RSPRY1: variants seen among roughly 807,000 people sequenced by gnomAD.
RSPRY1 encodes the protein RING finger and SPRY domain-containing protein 1.
RSPRY1 carries 23 observed loss-of-function variants against 73.1 expected under a neutral mutation model. The observed-to-expected ratio is 0.31, with a 90% confidence interval of 0.23 to 0.45. RSPRY1 has a LOEUF of 0.45. RSPRY1 is among the 20% of genes least tolerant of loss of function. The pLI is 1.00. For synonymous variants in RSPRY1, 226 were observed against 251.4 expected (o/e 0.90, Z 0.95); for missense variants, 448 against 698.7 (o/e 0.64, Z 4.05).
chr16:57,216,219 T>A, intron 7 of RSPRY1, 46 bp downstream of exon 7: 1 of 1,391,734 alleles, frequency 7.2e-7, no homozygotes, highest in Non-Finnish European at 1.0e-6. Context: ...GTATTGGTTG[T>A]TAAAAATTTT....
In RSPRY1 at chr16:57,230,733, A is replaced by G; in HGVS notation, c.1296A>G (p.Leu432=). The G allele has an allele frequency of 1.2e-6, 2 of 1,605,122 alleles. No homozygotes were observed. Among genetic ancestry groups the G allele is most frequent in the Non-Finnish European group, 1.7e-6 (2 of 1,172,824 alleles). Residue 432 remains leucine, a synonymous_variant, in exon 12 of 15, where the codon TTA becomes TTG. Transcript: ENST00000394420. The stretch of plus-strand genomic sequence containing the variant: ...TAGGAGATACAGTAGGATTTCTGTT[A>G]GACTTGAATGAAAAGCAAATGATCT... ...WKEGDTVGFL[L]DLNEKQMIFF...
intron 1 of RSPRY1, among the ~76,000 whole-genome samples, chr16:57,192,110 G>A (rs1476193145): frequency 1.3e-5 from 2 of 152,160 alleles, no homozygotes; most frequent in African/African-American, 4.8e-5. Context: ...GATATTTATT[G>A]AATACATATT....
chr16:57,218,413 A>G (rs920009330), intron 8 of RSPRY1, among the ~76,000 whole-genome samples: 10 of 152,092 alleles, frequency 6.6e-5, no homozygotes, highest in African/African-American at 2.4e-4. Flanking sequence ...TCACCCTGTT[A>G]TGCTGTCAAA....
chr16:57,204,056 G>A (rs564460040), intron 1 of RSPRY1, among the ~76,000 whole-genome samples: 1 of 152,032 alleles, frequency 6.6e-6, no homozygotes, highest in South Asian at 2.1e-4. Context: ...TTTAAAACTT[G>A]TTAAATTATC....
chr16:57,231,896 G>A (rs539099315), intron 13 of RSPRY1, among the ~76,000 whole-genome samples: 5 of 152,300 alleles, frequency 3.3e-5, no homozygotes, highest in African/African-American at 1.2e-4. Context: ...GACAAAAACT[G>A]TGATTGGCAT....
chr16:57,202,623 C>G (rs1161694370), intron 1 of RSPRY1, among the ~76,000 whole-genome samples: 3 of 152,090 alleles, frequency 2.0e-5, no homozygotes, highest in African/African-American at 4.8e-5. Context: ...TTGCATCATA[C>G]TCCTACCTAT....
intron 11 of RSPRY1, among the ~76,000 whole-genome samples, chr16:57,227,976 C>T (rs551209139): frequency 7.8e-4 from 119 of 152,208 alleles, no homozygotes; most frequent in African/African-American, 2.6e-3. Context: ...ATTTTGCTAC[C>T]CCAATCAGCA....
At position 57,221,523 on chromosome 16, in the gene RSPRY1, T is replaced by A. The variant is rs77316426; in HGVS notation, c.1161+108T>A. On this transcript the variant is annotated intron_variant, in intron 10 of 14. Coordinates refer to ENST00000394420, the MANE Select transcript of RSPRY1 (RefSeq NM_133368.3). ...TTTCAAATAGATTTGCTCAATAATCTTTTCTTGGGCAGAGCCACATGGTAC... is the reference window on the plus strand; with the variant it reads ...TTTCAAATAGATTTGCTCAATAATCATTTCTTGGGCAGAGCCACATGGTAC... 1.9e-3 allele frequency: 2,297 copies of A among 1,221,586 alleles called. 19 individuals carry two copies. In the African/African-American group the frequency reaches 0.031, roughly 16 times the overall value. 75.7% of individuals were successfully genotyped at this position (1,221,586 alleles called of 1,614,324 possible).
chr16:57,214,438 C>A (rs2074902199), intron 6 of RSPRY1, among the ~76,000 whole-genome samples: 1 of 152,190 alleles, frequency 6.6e-6, no homozygotes, highest in Admixed American at 6.5e-5. Flanking sequence ...GCCCTCAGAT[C>A]TCTCATAGTT....
intron 1 of RSPRY1, among the ~76,000 whole-genome samples, chr16:57,189,313 A>G (rs2074309048): frequency 6.6e-6 from 1 of 151,748 alleles, no homozygotes; most frequent in South Asian, 2.1e-4. Context: ...ATTATTTTCA[A>G]GTTATTGATT....
intron 14 of RSPRY1, among the ~76,000 whole-genome samples, chr16:57,237,376 A>T (rs927821683): frequency 2.0e-5 from 3 of 151,888 alleles, no homozygotes; most frequent in Non-Finnish European, 4.4e-5. Context: ...CTCCTGACCT[A>T]AAGTAATCCA....
chr16:57,208,398 A>T (rs61336216), intron 3 of RSPRY1, among the ~76,000 whole-genome samples: 5,845 of 16,906 alleles, frequency 0.35, 383 homozygotes, highest in African/African-American at 0.38. Context: ...ATATATATAT[A>T]TATTTTTTTT....
intron 1 of RSPRY1, among the ~76,000 whole-genome samples, chr16:57,201,772 C>T (rs1252948089): frequency 1.3e-5 from 2 of 152,246 alleles, no homozygotes; most frequent in African/African-American, 2.4e-5. Context: ...GCCCGGCCAA[C>T]ACAGCGAAAC....
At chr16:57,200,991 C>T (rs1346543943) in intron 1 of RSPRY1, among the ~76,000 whole-genome samples, 2 of 106,530 alleles carry the variant, frequency 1.9e-5, no homozygotes, top group Non-Finnish European at 3.9e-5. Flanking sequence ...CCCGGACGGG[C>T]GGCTGGCCGG....
chr16:57,217,234 G>T (rs1221942794), intron 8 of RSPRY1, among the ~76,000 whole-genome samples, 199 bp downstream of exon 8: 4 of 152,126 alleles, frequency 2.6e-5, no homozygotes, highest in Non-Finnish European at 5.9e-5. Context: ...TCTAATTTCA[G>T]CATTTTCCTG....
At chr16:57,209,322 A>G in intron 4 of RSPRY1, 135 bp downstream of exon 4, 2 of 585,700 alleles carry the variant, frequency 3.4e-6, no homozygotes, top group Non-Finnish European at 5.9e-6. Flanking sequence ...TGATTTTGTT[A>G]TGTAAATTTA....
rs374928871 is a variant in RSPRY1 at position 57,204,797 on chromosome 16, C to G, written c.139C>G (p.Arg47Gly). ...TACCATGGGTAATTCCTGTATCTGC[C>G]GAGATGACAGTGGAACAGATGACAG... ...ATTMGNSCIC[R>G]DDSGTDDSVD... The change falls in exon 2 of 15, where the codon CGA becomes GGA. Residue 47 changes from arginine (R) to glycine (G), a missense_variant. Physicochemically the swap from Arg to Gly is moderately radical, Grantham distance 125. Coordinates refer to ENST00000394420, the MANE Select transcript of RSPRY1 (RefSeq NM_133368.3). The G allele has an allele frequency of 1.9e-6, 3 of 1,613,974 alleles. No homozygotes were observed. The African/African-American group carries it at 4.0e-5, about 22-fold the overall frequency.
At chr16:57,222,602 C>T (rs191626653) in intron 10 of RSPRY1, among the ~76,000 whole-genome samples, 1 of 152,320 alleles carries the variant, frequency 6.6e-6, no homozygotes, top group Non-Finnish European at 1.5e-5. Context: ...TTTACTGTTA[C>T]AATTTCCATT....
intron 1 of RSPRY1, among the ~76,000 whole-genome samples, chr16:57,198,728 G>A (rs1391221913): frequency 1.3e-5 from 2 of 152,080 alleles, no homozygotes; most frequent in African/African-American, 4.8e-5. Context: ...TACGTGATTA[G>A]TCTCCCTTCC....
Sources: gnomAD v4.1 joint callset for allele counts (sites outside exome capture counted in the v4.1 genomes callset) on GRCh38, gnomAD v4.1.1 for gene constraint, MANE v1.5 for transcripts, NCBI Gene and HGNC (gene_info 2026-07-23, HGNC 2026-07-21) for gene names.